The following EFCAB5 variants were observed in gnomAD, a reference collection of about 807,000 sequenced individuals.
The protein encoded by EFCAB5 is EF-hand calcium-binding domain-containing protein 5.
EFCAB5 carries 131 observed loss-of-function variants against 167.9 expected under a neutral mutation model. The ratio of observed to expected loss-of-function variants is 0.78; its 90% CI spans 0.68 to 0.90. The LOEUF is 0.90. EFCAB5 is among the 40% of genes least tolerant of loss of function. The pLI, the probability that EFCAB5 is intolerant of heterozygous loss-of-function variation, is 0.00. For missense variants in EFCAB5, 1,663 were observed against 1,745.2 expected (o/e 0.95, Z 0.84); for synonymous variants, 574 against 602.8 (o/e 0.95, Z 0.70).
upstream of EFCAB5, among the ~76,000 whole-genome samples, chr17:29,941,386 C>A (rs1043518064): frequency 6.6e-6 from 1 of 152,148 alleles, no homozygotes; most frequent in Non-Finnish European, 1.5e-5. Flanking sequence ...TCTCTATCTA[C>A]CTTTCTTGCA....
At chr17:30,095,559 G>A (rs2071276419) in intron 22 of EFCAB5, among the ~76,000 whole-genome samples, 1 of 152,132 alleles carries the variant, frequency 6.6e-6, no homozygotes, top group Admixed American at 6.5e-5. Flanking sequence ...GGCTCTCATA[G>A]GTGCCACGCT....
chr17:30,042,402 G>A (rs2069799306), intron 8 of EFCAB5, among the ~76,000 whole-genome samples: 1 of 152,084 alleles, frequency 6.6e-6, no homozygotes, highest in Admixed American at 6.6e-5. Flanking sequence ...GTCTGGAACT[G>A]GACCTCTGGT....
chr17:30,065,139 G>T (rs1001960295), intron 14 of EFCAB5, among the ~76,000 whole-genome samples: 1 of 152,064 alleles, frequency 6.6e-6, no homozygotes, highest in Non-Finnish European at 1.5e-5. Context: ...AAACTCACTG[G>T]TAGAGCAGAT....
At chr17:29,992,332 G>T (rs1597633536) in intron 4 of EFCAB5, among the ~76,000 whole-genome samples, 2 of 152,168 alleles carry the variant, frequency 1.3e-5, no homozygotes, top group Admixed American at 1.3e-4. Flanking sequence ...AGGCTGTATA[G>T]TATTCCATTG....
At position 30,090,419 on chromosome 17, in the gene EFCAB5, A is replaced by G. The variant is rs535205569; in HGVS notation, c.3684-2A>G. ...CTTGTGCTTATTTGGTTTTGATTTC[A>G]GAGATTTCCTCTTTAAATGTACTGA... On this transcript the variant is annotated splice_acceptor_variant, in intron 19 of 22. Transcript: ENST00000394835. LOFTEE classifies it high-confidence loss of function. The G allele has an allele frequency of 2.5e-6, 4 of 1,609,872 alleles. No homozygotes were observed. Among genetic ancestry groups the G allele is most frequent in the East Asian group, 2.2e-5 (1 of 44,860 alleles).
At chr17:29,933,130 A>G (rs761344565) in intron 1 of EFCAB5, among the ~76,000 whole-genome samples, 13 of 152,230 alleles carry the variant, frequency 8.5e-5, no homozygotes, top group Non-Finnish European at 1.5e-4. Flanking sequence ...GTAGGGGAAA[A>G]CACATCAACA....
At chr17:29,996,236 A>G in intron 5 of EFCAB5, 76 bp from the exon 6 acceptor site, 1 of 1,227,110 alleles carries the variant, frequency 8.1e-7, no homozygotes, top group Non-Finnish European at 1.2e-6. Flanking sequence ...GATGGCTTTT[A>G]GTCTAAAATA....
At chr17:30,032,712 T>C (rs866983304) in intron 7 of EFCAB5, among the ~76,000 whole-genome samples, 1 of 152,246 alleles carries the variant, frequency 6.6e-6, no homozygotes, top group African/African-American at 2.4e-5. Context: ...ATGTAGTTTT[T>C]GCCATTTCTT....
intron 6 of EFCAB5, among the ~76,000 whole-genome samples, chr17:29,998,795 AGGAAG>A (rs1195542966): frequency 1.3e-5 from 2 of 152,164 alleles, no homozygotes; most frequent in Non-Finnish European, 2.9e-5. Flanking sequence ...GAAGTAGGAG[AGGAAG>A]CCAGTGTATA....
chr17:30,055,359 AG>A (rs2070227435), intron 10 of EFCAB5, among the ~76,000 whole-genome samples: 1 of 151,612 alleles, frequency 6.6e-6, no homozygotes, highest in South Asian at 2.1e-4. Flanking sequence ...GAAGGAAGGA[AG>A]GAAGGAAGGA....
chr17:29,982,040 G>A (rs1022403605), intron 4 of EFCAB5, among the ~76,000 whole-genome samples: 1 of 152,154 alleles, frequency 6.6e-6, no homozygotes, highest in Non-Finnish European at 1.5e-5. Flanking sequence ...GAGAAAATAA[G>A]TAAGTATAAG....
chr17:29,999,725 G>A (rs1417537222), intron 6 of EFCAB5, among the ~76,000 whole-genome samples, 181 bp from the exon 7 acceptor site: 1 of 151,848 alleles, frequency 6.6e-6, no homozygotes, highest in African/African-American at 2.4e-5. Flanking sequence ...GCTCAGCCAG[G>A]AAAAGTAATA....
chr17:29,998,173 A>G (rs892388543), intron 6 of EFCAB5, among the ~76,000 whole-genome samples: 1 of 152,140 alleles, frequency 6.6e-6, no homozygotes, highest in Admixed American at 6.5e-5. Context: ...TTGTCCTTCT[A>G]CCTGTTCTCA....
rs146841161 is a variant in EFCAB5 at position 29,986,509 on chromosome 17, C to A, written c.768-6656C>A. The stretch of plus-strand genomic sequence containing the variant: ...TAATGATTCCATAGGAATCGTTGTG[C>A]AGCACCTCTCTGCCTGTTCTGCAGT... On this transcript the variant is annotated intron_variant, in intron 4 of 22. Transcript: ENST00000394835. Among the ~76,000 whole-genome samples the A allele has an allele frequency of 4.8e-3, 731 of 152,280 alleles. 4 individuals are homozygous for A. Among genetic ancestry groups the A allele is most frequent in the African/African-American group, 0.017 (708 of 41,548 alleles).
chr17:30,036,213 AT>A (rs1187209564), intron 8 of EFCAB5, among the ~76,000 whole-genome samples: 2 of 140,890 alleles, frequency 1.4e-5, no homozygotes, highest in Non-Finnish European at 3.1e-5. Flanking sequence ...ATATATGTAT[AT>A]TATATATGCA....
In EFCAB5 at chr17:30,077,084, C is replaced by G. The variant is rs574394502; in HGVS notation, c.2738-1131C>G. On this transcript the variant is annotated intron_variant, in intron 14 of 22. Transcript: ENST00000394835. ...TGGGACGCTGAGGTGGGCAGATCAT[C>G]TGAGGTCAGGAGTTAGAGACCAGCC... is the stretch of plus-strand genomic sequence containing the variant. Among the ~76,000 whole-genome samples the G allele has an allele frequency of 2.0e-3, 308 of 152,254 alleles. 1 individual carries two copies. Among genetic ancestry groups the G allele is most frequent in the South Asian group, 1.0e-3 (5 of 4,824 alleles).
intron 8 of EFCAB5, among the ~76,000 whole-genome samples, chr17:30,043,414 A>C (rs529315247): frequency 1.5e-4 from 23 of 149,604 alleles, no homozygotes; most frequent in African/African-American, 5.1e-4. Context: ...TAAAGCAAGG[A>C]AAAAAAAAAG....
chr17:30,090,823 G>C (rs1380637883), intron 20 of EFCAB5, 149 bp downstream of exon 20: 15 of 1,118,210 alleles, frequency 1.3e-5, no homozygotes, highest in Middle Eastern at 2.1e-4. Context: ...ATGCAGTCTT[G>C]CGCTGACGAG....
chr17:30,091,158 C>T (rs1010009425), intron 20 of EFCAB5, among the ~76,000 whole-genome samples: 1 of 152,120 alleles, frequency 6.6e-6, no homozygotes, highest in Non-Finnish European at 1.5e-5. Context: ...TCTCGTTTTA[C>T]AGATAAAGAT....
Sources: gnomAD v4.1 joint callset for allele counts (sites outside exome capture counted in the v4.1 genomes callset) on GRCh38, gnomAD v4.1.1 for gene constraint, MANE v1.5 for transcripts, NCBI Gene and HGNC (gene_info 2026-07-23, HGNC 2026-07-21) for gene names.